Variants in HS6ST3 observed in about 807,000 individuals in gnomAD.
The protein encoded by HS6ST3 is heparan-sulfate 6-O-sulfotransferase 3.
In HS6ST3, 12 loss-of-function variants were observed where a neutral mutation model predicts 36.7. That is an observed-to-expected ratio of 0.33 (90% CI 0.21 to 0.53). HS6ST3 has a LOEUF of 0.53. Ranked by LOEUF, HS6ST3 falls within the 20% of genes least tolerant of loss-of-function variation. HS6ST3 has a pLI of 0.95. For missense variants in HS6ST3, 584 were observed against 640.9 expected (o/e 0.91, Z 0.96); for synonymous variants, 240 against 257.5 (o/e 0.93, Z 0.65).
At chr13:96,454,835 C>T (rs2055746922) in intron 1 of HS6ST3, among the ~76,000 whole-genome samples, 1 of 149,934 alleles carries the variant, frequency 6.7e-6, no homozygotes, top group South Asian at 2.1e-4. Context: ...TTTATTTTTG[C>T]CACTTCTGTT....
chr13:96,578,662 C>T (rs8000808), intron 1 of HS6ST3, among the ~76,000 whole-genome samples: 11,561 of 152,078 alleles, frequency 0.076, 778 homozygotes, highest in African/African-American at 0.18. Flanking sequence ...CCGGGTCAAG[C>T]GGTTCTCCCA....
intron 1 of HS6ST3, among the ~76,000 whole-genome samples, chr13:96,297,643 C>A (rs1374378756): frequency 2.0e-5 from 3 of 152,098 alleles, no homozygotes; most frequent in Non-Finnish European, 2.9e-5. Context: ...GCCCAATAAT[C>A]TTTTTTCTAA....
intron 1 of HS6ST3, among the ~76,000 whole-genome samples, chr13:96,826,316 T>G (rs1334923180): frequency 6.6e-6 from 1 of 152,164 alleles, no homozygotes; most frequent in African/African-American, 2.4e-5. Flanking sequence ...ATCAGTTTAG[T>G]TTTAGGAGAG....
intron 1 of HS6ST3, among the ~76,000 whole-genome samples, chr13:96,700,448 GCCAAACC>G (rs1594839767): frequency 6.6e-6 from 1 of 152,100 alleles, no homozygotes; most frequent in Admixed American, 6.5e-5. Context: ...TGGGGACACA[GCCAAACC>G]ATATCATCTC....
At chr13:96,358,050 G>A (rs1594761799) in intron 1 of HS6ST3, among the ~76,000 whole-genome samples, 2 of 152,070 alleles carry the variant, frequency 1.3e-5, no homozygotes, top group Non-Finnish European at 1.5e-5. Context: ...CCTTCAATTC[G>A]TAAAAAAAGT....
rs117716272 is a variant in HS6ST3 at position 96,831,526 on chromosome 13, A to T, written c.708-964A>T. Among the ~76,000 whole-genome samples the T allele has an allele frequency of 2.7e-4, 41 of 152,314 alleles. 2 individuals are homozygous for T. The East Asian group carries it at 7.7e-3, about 29-fold the overall frequency. On this transcript the variant is annotated intron_variant, in intron 1 of 1. Coordinates refer to ENST00000376705, the MANE Select transcript of HS6ST3 (RefSeq NM_153456.4). ...ATTTTACAAAGTTGTCTTGAGGATC[A>T]TCTGTGCAAAGCATCCATAAAGCAT... is the stretch of plus-strand genomic sequence containing the variant.
chr13:96,538,998 T>C (rs1315475936), intron 1 of HS6ST3, among the ~76,000 whole-genome samples: 1 of 152,172 alleles, frequency 6.6e-6, no homozygotes, highest in South Asian at 2.1e-4. Flanking sequence ...ATTTTTCTTC[T>C]GCTCCAATAT....
intron 1 of HS6ST3, among the ~76,000 whole-genome samples, chr13:96,172,245 A>G (rs1163588317): frequency 6.6e-6 from 1 of 152,182 alleles, no homozygotes; most frequent in African/African-American, 2.4e-5. Context: ...CTTGCCTTTT[A>G]TCACTTCAAC....
At chr13:96,636,558 C>T (rs967205901) in intron 1 of HS6ST3, among the ~76,000 whole-genome samples, 2 of 152,078 alleles carry the variant, frequency 1.3e-5, no homozygotes, top group East Asian at 1.9e-4. Flanking sequence ...CTCACAGGCT[C>T]CCTTGGGTCC....
intron 1 of HS6ST3, among the ~76,000 whole-genome samples, chr13:96,439,394 GAAATA>G (rs1290067411): frequency 1.3e-5 from 2 of 152,216 alleles, no homozygotes; most frequent in Non-Finnish European, 2.9e-5. Flanking sequence ...TTGTCACGTA[GAAATA>G]AAATGCTAAC....
chr13:96,674,499 G>T (rs1403638201), intron 1 of HS6ST3, among the ~76,000 whole-genome samples: 1 of 151,964 alleles, frequency 6.6e-6, no homozygotes, highest in Non-Finnish European at 1.5e-5. Flanking sequence ...TTCTCCTGGG[G>T]GTGTGAGCCA....
chr13:96,689,157 A>G (rs1874867669), intron 1 of HS6ST3, among the ~76,000 whole-genome samples: 1 of 152,064 alleles, frequency 6.6e-6, no homozygotes, highest in Admixed American at 6.6e-5. Flanking sequence ...TACAGTCTTC[A>G]AAGGAGTGTT....
At chr13:96,373,669 A>G (rs1486907139) in intron 1 of HS6ST3, among the ~76,000 whole-genome samples, 1 of 152,130 alleles carries the variant, frequency 6.6e-6, no homozygotes, top group Non-Finnish European at 1.5e-5. Context: ...GAGATGTAAG[A>G]AGACTGTTTT....
At chr13:96,347,962 T>A (rs947291769) in intron 1 of HS6ST3, among the ~76,000 whole-genome samples, 4 of 152,186 alleles carry the variant, frequency 2.6e-5, no homozygotes, top group Admixed American at 1.3e-4. Flanking sequence ...CATAAATCTC[T>A]TATTCATCCT....
chr13:96,323,075 C>T (rs558163399), intron 1 of HS6ST3, among the ~76,000 whole-genome samples: 9 of 152,310 alleles, frequency 5.9e-5, no homozygotes, highest in Non-Finnish European at 1.2e-4. Flanking sequence ...TGTACTTCTC[C>T]ATGCTCAGGA....
At chr13:96,801,383 C>T (rs540149341) in intron 1 of HS6ST3, among the ~76,000 whole-genome samples, 8 of 152,168 alleles carry the variant, frequency 5.3e-5, no homozygotes, top group Admixed American at 3.9e-4. Flanking sequence ...GCTTTAAGTC[C>T]TATACACAGA....
intron 1 of HS6ST3, among the ~76,000 whole-genome samples, chr13:96,530,137 C>G (rs2056129771): frequency 6.6e-6 from 1 of 150,998 alleles, no homozygotes; most frequent in Non-Finnish European, 1.5e-5. Flanking sequence ...GGTCAGTGGA[C>G]CAACTGCATA....
intron 1 of HS6ST3, among the ~76,000 whole-genome samples, chr13:96,574,654 G>A (rs1407107869): frequency 6.6e-6 from 1 of 152,170 alleles, no homozygotes; most frequent in Admixed American, 6.5e-5. Flanking sequence ...CCTTAACTGA[G>A]GGGTGGTAGG....
chr13:96,675,706 T>C (rs1340805260), intron 1 of HS6ST3, among the ~76,000 whole-genome samples: 3 of 152,166 alleles, frequency 2.0e-5, no homozygotes, highest in Non-Finnish European at 2.9e-5. Context: ...AGAAAAAGTG[T>C]GAGGCAGGAA....
Sources: gnomAD v4.1 joint callset for allele counts (sites outside exome capture counted in the v4.1 genomes callset) on GRCh38, gnomAD v4.1.1 for gene constraint, MANE v1.5 for transcripts, NCBI Gene and HGNC (gene_info 2026-07-23, HGNC 2026-07-21) for gene names.